Variants in FOXP1 observed in about 807,000 individuals in gnomAD.
The protein encoded by FOXP1 is forkhead box P1.
In FOXP1, 15 loss-of-function variants were observed where a neutral mutation model predicts 98.2. That is an observed-to-expected ratio of 0.15 (90% CI 0.10 to 0.24). The LOEUF is 0.24. Among genes scored for constraint, FOXP1 ranks in the 10% least tolerant of loss-of-function variants. FOXP1 has a pLI of 1.00. For missense variants in FOXP1, 633 were observed against 848.5 expected, an observed-to-expected ratio of 0.75 and a Z score of 3.15; for synonymous variants, 371 against 314.5, an observed-to-expected ratio of 1.18 and a Z score of -1.90.
At chr3:71,111,871 T>A (rs974346716) in intron 7 of FOXP1, among the ~76,000 whole-genome samples, 2 of 152,138 alleles carry the variant, frequency 1.3e-5, no homozygotes, top group Non-Finnish European at 2.9e-5. Context: ...CACTGAAGAA[T>A]TGGGTATATA....
At chr3:71,566,124 G>A (rs529458756) in intron 2 of FOXP1, among the ~76,000 whole-genome samples, 13 of 152,096 alleles carry the variant, frequency 8.5e-5, no homozygotes, top group Non-Finnish European at 1.8e-4. Flanking sequence ...GATTCTGCCC[G>A]AGCCGCTCCT....
intron 5 of FOXP1, among the ~76,000 whole-genome samples, chr3:71,254,575 C>G (rs1194380535): frequency 6.6e-6 from 1 of 152,218 alleles, no homozygotes; most frequent in East Asian, 1.9e-4. Context: ...GTCCGACTTA[C>G]AGTTAGATAT....
chr3:71,291,489 T>TGGACAGGGGAGGTCAAG (rs1363345481), intron 5 of FOXP1, among the ~76,000 whole-genome samples: 1 of 152,142 alleles, frequency 6.6e-6, no homozygotes, highest in Non-Finnish European at 1.5e-5. Flanking sequence ...GCTCCCACAC[T>TGGACAGGGGAGGTCAAG]GGACAGGGGA....
At chr3:71,406,118 TG>T (rs2082304464) in intron 3 of FOXP1, among the ~76,000 whole-genome samples, 1 of 152,142 alleles carries the variant, frequency 6.6e-6, no homozygotes, top group Non-Finnish European at 1.5e-5. Flanking sequence ...ACCAGGCACG[TG>T]GTCCTTCCCC....
At chr3:71,065,235 G>C (rs1429661000) in intron 7 of FOXP1, among the ~76,000 whole-genome samples, 2 of 151,984 alleles carry the variant, frequency 1.3e-5, no homozygotes, top group African/African-American at 4.8e-5. Context: ...GGCGCGCACC[G>C]CTCCCTCTGG....
In FOXP1 at chr3:70,965,957, C is replaced by T. The variant is rs749121207; in HGVS notation, c.1822G>A (p.Gly608Arg). ...TTGCTGTTGGTATGCTCCATTGCCC[C>T]GTTCAGCTCTTCCCGTATTGCGCTG... Reference protein sequence around the residue: ...LASAIREELNGAMEHTNSNES... With the variant: ...LASAIREELNRAMEHTNSNES... Residue 608 changes from glycine to arginine, a missense_variant, in exon 20 of 21, where the codon GGG becomes AGG. By Grantham distance (125) the Gly-to-Arg change is moderately radical. Around this residue, in one of 6 missense-constraint regions of FOXP1, gnomAD observed 150 missense variants for 163.7 expected, o/e 0.92. Transcript: ENST00000649528. 4.3e-6 allele frequency: 7 copies of T among 1,614,110 alleles called. No individual in the cohort carries two copies. The highest frequency in any genetic ancestry group is 5.9e-6 in the Non-Finnish European group (7 of 1,180,020).
At chr3:71,417,864 C>T (rs1040227226) in intron 3 of FOXP1, among the ~76,000 whole-genome samples, 2 of 151,962 alleles carry the variant, frequency 1.3e-5, no homozygotes, top group South Asian at 2.1e-4. Context: ...TATTACAGAT[C>T]GAGGACACCA....
intron 20 of FOXP1, 113 bp from the exon 21 acceptor site, chr3:70,959,504 C>G: frequency 8.6e-7 from 1 of 1,162,992 alleles, no homozygotes; most frequent in Admixed American, 1.9e-5. Flanking sequence ...AGAACTCTGT[C>G]CAGTATTGTT....
chr3:71,403,427 A>C (rs1441460701), intron 3 of FOXP1, among the ~76,000 whole-genome samples: 2 of 152,238 alleles, frequency 1.3e-5, no homozygotes, highest in Non-Finnish European at 2.9e-5. Context: ...AAAACAAGGG[A>C]ACTGTTTCAA....
intron 3 of FOXP1, among the ~76,000 whole-genome samples, chr3:71,443,283 T>TA (rs1335159454): frequency 5.3e-5 from 8 of 152,378 alleles, no homozygotes; most frequent in Middle Eastern, 3.4e-3. Flanking sequence ...GGTGTCATGA[T>TA]AAAATCAGAG....
At chr3:71,325,485 C>T (rs983882559) in intron 4 of FOXP1, among the ~76,000 whole-genome samples, 2 of 51,300 alleles carry the variant, frequency 3.9e-5, no homozygotes, top group East Asian at 2.2e-3. Context: ...GTTTATGAAC[C>T]TGAAAACCAT....
At chr3:71,362,037 T>G (rs1317808961) in intron 3 of FOXP1, among the ~76,000 whole-genome samples, 3 of 152,178 alleles carry the variant, frequency 2.0e-5, no homozygotes, top group Admixed American at 1.3e-4. Context: ...TGGAGTATTT[T>G]TAATTACACA....
At chr3:71,524,018 T>C (rs980208491) in intron 2 of FOXP1, among the ~76,000 whole-genome samples, 1 of 151,866 alleles carries the variant, frequency 6.6e-6, no homozygotes, top group African/African-American at 2.4e-5. Flanking sequence ...AAACCCAAAA[T>C]AACACCATGC....
intron 2 of FOXP1, among the ~76,000 whole-genome samples, chr3:71,536,439 C>A (rs1466158868): frequency 6.6e-6 from 1 of 152,050 alleles, no homozygotes; most frequent in African/African-American, 2.4e-5. Context: ...TGCACAGAAT[C>A]GGAATTTTAG....
intron 6 of FOXP1, among the ~76,000 whole-genome samples, chr3:71,192,868 T>G (rs2063072972): frequency 6.6e-6 from 1 of 152,198 alleles, no homozygotes; most frequent in Non-Finnish European, 1.5e-5. Context: ...CAGGCTAGTC[T>G]CAAACTCCTC....
chr3:71,090,898 A>AGG (rs1331989490), intron 7 of FOXP1, among the ~76,000 whole-genome samples: 1 of 152,170 alleles, frequency 6.6e-6, no homozygotes, highest in Admixed American at 6.5e-5. Flanking sequence ...TGAAATGCAT[A>AGG]GGGGGTTGAC....
At chr3:71,348,941 G>A (rs534532912) in intron 4 of FOXP1, among the ~76,000 whole-genome samples, 37 of 152,200 alleles carry the variant, frequency 2.4e-4, no homozygotes, top group African/African-American at 8.4e-4. Flanking sequence ...TACAGAGGCC[G>A]CAGTCTATTT....
chr3:71,095,734 T>A (rs2056392819), intron 7 of FOXP1, among the ~76,000 whole-genome samples: 3 of 152,126 alleles, frequency 2.0e-5, no homozygotes. Context: ...CCAAATCACT[T>A]TGGTCAGATA....
intron 3 of FOXP1, among the ~76,000 whole-genome samples, chr3:71,459,758 A>T (rs544259423): frequency 6.6e-6 from 1 of 152,218 alleles, no homozygotes; most frequent in South Asian, 2.1e-4. Flanking sequence ...AAAAGACTAT[A>T]TATCATGATT....
Sources: allele counts gnomAD v4.1 joint callset (sites outside exome capture counted in the v4.1 genomes callset), GRCh38; gene constraint gnomAD v4.1.1; regional missense constraint gnomAD v4.1.1; transcripts MANE v1.5; gene names NCBI Gene and HGNC (gene_info 2026-07-23, HGNC 2026-07-21).